The following CSMD3 variants were observed in gnomAD, a reference collection of about 807,000 sequenced individuals.
CSMD3 encodes CUB and Sushi multiple domains 3.
Under a neutral mutation model 435.2 loss-of-function variants are expected in CSMD3, and 177 were observed. That is an observed-to-expected ratio of 0.41 (90% CI 0.36 to 0.46). The LOEUF (loss-of-function observed/expected upper bound fraction) is 0.46, where lower values mean the gene tolerates loss of function less well. CSMD3 is among the 20% of genes least tolerant of loss of function. CSMD3 has a pLI of 0.34. For synonymous variants in CSMD3, 1,656 were observed against 1,520.5 expected (o/e 1.09, Z -2.07); for missense variants, 4,265 against 4,504.6 (o/e 0.95, Z 1.52).
intron 10 of CSMD3, among the ~76,000 whole-genome samples, chr8:112,891,697 C>G (rs1414588080): frequency 6.6e-6 from 1 of 151,450 alleles, no homozygotes. Flanking sequence ...GCTACTAAGT[C>G]AAAAATTTGA....
At chr8:112,963,972 AT>A (rs1171958546) in intron 7 of CSMD3, among the ~76,000 whole-genome samples, 3 of 151,902 alleles carry the variant, frequency 2.0e-5, no homozygotes, top group Non-Finnish European at 4.4e-5. Flanking sequence ...ACCTTACAGG[AT>A]TTTTATATAA....
intron 12 of CSMD3, among the ~76,000 whole-genome samples, chr8:112,817,790 A>G (rs10100915): frequency 0.51 from 77,351 of 151,822 alleles, 20,160 homozygotes; most frequent in East Asian, 0.76. Flanking sequence ...AATTTTCATC[A>G]TTTTAGAAAT....
chr8:113,304,029 T>A (rs2093797151), intron 2 of CSMD3, among the ~76,000 whole-genome samples: 1 of 141,058 alleles, frequency 7.1e-6, no homozygotes, highest in Non-Finnish European at 1.5e-5. Context: ...AAAGGGCTAA[T>A]ATCCCAGAAT....
At chr8:112,666,073 G>C (rs2075516673) in intron 17 of CSMD3, among the ~76,000 whole-genome samples, 1 of 152,062 alleles carries the variant, frequency 6.6e-6, no homozygotes, top group Admixed American at 6.6e-5. Context: ...TATTTCAATA[G>C]TACTGATACA....
intron 38 of CSMD3, among the ~76,000 whole-genome samples, chr8:112,358,212 A>AT (rs1826828384): frequency 6.6e-6 from 1 of 152,088 alleles, no homozygotes; most frequent in Non-Finnish European, 1.5e-5. Flanking sequence ...AATTTCTCCC[A>AT]TTTTGAATGG....
chr8:112,318,364 T>C (rs1176458892), intron 47 of CSMD3, among the ~76,000 whole-genome samples: 1 of 152,072 alleles, frequency 6.6e-6, no homozygotes, highest in African/African-American at 2.4e-5. Context: ...TTTTCCATGA[T>C]GCTTCCACAG....
chr8:112,641,289 C>T (rs996372399), intron 20 of CSMD3, among the ~76,000 whole-genome samples: 1 of 152,218 alleles, frequency 6.6e-6, no homozygotes, highest in South Asian at 2.1e-4. Flanking sequence ...AACTTAAGAC[C>T]TTCAAAGTTG....
chr8:112,809,714 AAACTT>A (rs1563982434), intron 12 of CSMD3, among the ~76,000 whole-genome samples: 1 of 152,130 alleles, frequency 6.6e-6, no homozygotes, highest in African/African-American at 2.4e-5. Flanking sequence ...CACCCTAACT[AAACTT>A]TAGAAAATTT....
intron 22 of CSMD3, among the ~76,000 whole-genome samples, chr8:112,589,185 T>C (rs946443151): frequency 6.6e-6 from 1 of 152,150 alleles, no homozygotes; most frequent in Non-Finnish European, 1.5e-5. Context: ...ATCCAGAGAA[T>C]GTCATACAAG....
At chr8:112,893,069 T>TAAC (rs1031187390) in intron 10 of CSMD3, among the ~76,000 whole-genome samples, 6 of 151,164 alleles carry the variant, frequency 4.0e-5, no homozygotes, top group Admixed American at 1.3e-4. Flanking sequence ...ACTACTACTA[T>TAAC]AACAACAACA....
chr8:113,388,776 G>A (rs954655437), intron 1 of CSMD3, among the ~76,000 whole-genome samples: 3 of 151,396 alleles, frequency 2.0e-5, no homozygotes, highest in Admixed American at 6.6e-5. Context: ...TTTGAATTGC[G>A]CTTTTCACAA....
At position 113,197,230 on chromosome 8, in the gene CSMD3, G is replaced by A. The variant is rs533877963; in HGVS notation, c.515-23314C>T. 6.3e-4 allele frequency among the ~76,000 whole-genome samples: 96 copies of A among 151,218 alleles called. 1 individual carries two copies. The highest frequency in any genetic ancestry group is 2.3e-3 in the African/African-American group (95 of 41,400). On this transcript the variant is annotated intron_variant, in intron 3 of 70. Transcript: ENST00000297405. The stretch of plus-strand genomic sequence containing the variant: ...TTCTATGTCTGACTTCATGTGATAT[G>A]TCACAGTCAAAACTTTGTTTCATGT...
At chr8:112,342,971 T>TTTTATATATATATATTTATATATA (rs1554647494) in intron 41 of CSMD3, among the ~76,000 whole-genome samples, 1 of 92,408 alleles carries the variant, frequency 1.1e-5, no homozygotes, top group East Asian at 2.8e-4. Context: ...TTGAAATGTA[T>TTTTATATATATATATTTATATATA]TATATATATA....
intron 1 of CSMD3, among the ~76,000 whole-genome samples, chr8:113,346,257 T>A (rs2094150579): frequency 6.6e-6 from 1 of 152,020 alleles, no homozygotes; most frequent in Non-Finnish European, 1.5e-5. Flanking sequence ...ATTTAAATAT[T>A]TATTGGCCTT....
chr8:112,937,641 G>C (rs1421974701), intron 9 of CSMD3, among the ~76,000 whole-genome samples: 1 of 152,090 alleles, frequency 6.6e-6, no homozygotes, highest in Non-Finnish European at 1.5e-5. Flanking sequence ...ATGAGTTACT[G>C]CCCCCGGCAG....
chr8:112,315,338 T>G (rs943809379), intron 47 of CSMD3, among the ~76,000 whole-genome samples: 1 of 151,916 alleles, frequency 6.6e-6, no homozygotes, highest in South Asian at 2.1e-4. Flanking sequence ...CTGCAACATA[T>G]AGCAAATTTT....
At chr8:113,375,793 G>A in intron 1 of CSMD3, among the ~76,000 whole-genome samples, 1 of 152,062 alleles carries the variant, frequency 6.6e-6, no homozygotes, top group Non-Finnish European at 1.5e-5. Flanking sequence ...ATAAAAATTA[G>A]AAGAACAGAG....
Position 112,223,064 on chromosome 8 carries a change from T to C in CSMD3, c.*1707A>G. The C allele has an allele frequency of 2.5e-6, 1 of 398,582 alleles. No homozygotes were observed. The highest frequency in any genetic ancestry group is 4.4e-6 in the Non-Finnish European group (1 of 225,786). The allele number at this position is 398,582 out of a possible 1,614,324, so 24.7% of individuals were successfully genotyped here. A position where few individuals can be genotyped will look rare whatever the true frequency, so the allele number is the denominator to read the frequency against. ...GCATTAATATAAGAGGAGTAGCCAG[T>C]TGCAGAAGAAACATTGTTTAAACAA... On this transcript the variant is annotated 3_prime_UTR_variant, in exon 71 of 71. Coordinates refer to ENST00000297405, the MANE Select transcript of CSMD3 (RefSeq NM_198123.2).
intron 24 of CSMD3, 149 bp from the exon 25 acceptor site, chr8:112,557,103 A>G: frequency 3.2e-6 from 2 of 617,190 alleles, no homozygotes; most frequent in Non-Finnish European, 5.7e-6. Flanking sequence ...CGTATCATAC[A>G]ACAACCATGC....
Sources: gnomAD v4.1 joint callset for allele counts (sites outside exome capture counted in the v4.1 genomes callset) on GRCh38, gnomAD v4.1.1 for gene constraint, MANE v1.5 for transcripts, NCBI Gene and HGNC (gene_info 2026-07-23, HGNC 2026-07-21) for gene names.